CASZ1: variants seen among roughly 807,000 people sequenced by gnomAD.
CASZ1 encodes castor zinc finger 1.
Under a neutral mutation model 135.2 loss-of-function variants are expected in CASZ1, and 28 were observed. The ratio of observed to expected loss-of-function variants is 0.21; its 90% CI spans 0.15 to 0.28. The LOEUF (loss-of-function observed/expected upper bound fraction) is 0.28, where lower values mean the gene tolerates loss of function less well. CASZ1 is among the 10% of genes least tolerant of loss of function. CASZ1 has a pLI of 1.00. For missense variants in CASZ1, 2,161 were observed against 2,453.3 expected, an observed-to-expected ratio of 0.88 and a Z score of 2.52; for synonymous variants, 1,068 against 1,073.4, an observed-to-expected ratio of 0.99 and a Z score of 0.10.
intron 4 of CASZ1, among the ~76,000 whole-genome samples, chr1:10,671,707 G>A (rs1176815278): frequency 6.6e-6 from 1 of 152,234 alleles, no homozygotes; most frequent in African/African-American, 2.4e-5. Flanking sequence ...GAGGCTGTAA[G>A]CTGTGGGCCA....
chr1:10,781,666 G>C (rs1640764831), intron 1 of CASZ1, among the ~76,000 whole-genome samples: 1 of 152,214 alleles, frequency 6.6e-6, no homozygotes, highest in Non-Finnish European at 1.5e-5. Context: ...AACACAGGGA[G>C]CCCTCTGCCT....
At chr1:10,723,975 C>T (rs556874767) in intron 2 of CASZ1, among the ~76,000 whole-genome samples, 1 of 152,184 alleles carries the variant, frequency 6.6e-6, no homozygotes, top group African/African-American at 2.4e-5. Flanking sequence ...AGGGGTTCAA[C>T]CCTAAACTCA....
rs139059853 is a variant in CASZ1, at chr1:10,654,433, C to T, written c.1824G>A (p.Thr608=). Residue 608 remains threonine (T), a synonymous_variant, in exon 10 of 21, where the codon ACG becomes ACA. Transcript: ENST00000377022. The part of the protein sequence containing the change: ...ADCQFYGQKT[T]HFHCRRPGCT... The stretch of plus-strand genomic sequence containing the variant: ...CTCCCGCTTACCTGCAGTGGAAGTG[C>T]GTGGTCTTCTGTCCGTAGAACTGGC... 24 of 1,613,824 alleles carry T rather than the reference C, an allele frequency of 1.5e-5. No individual in the cohort carries two copies. The African/African-American group carries it at 2.1e-4, about 14-fold the overall frequency.
chr1:10,680,262 G>T (rs1638368704), intron 4 of CASZ1, among the ~76,000 whole-genome samples: 1 of 130,752 alleles, frequency 7.6e-6, no homozygotes, highest in Admixed American at 7.7e-5. Context: ...CGGCTGGATG[G>T]CACGGGGCGG....
At chr1:10,685,826 G>A (rs979234171) in intron 4 of CASZ1, among the ~76,000 whole-genome samples, 6 of 152,260 alleles carry the variant, frequency 3.9e-5, no homozygotes, top group Non-Finnish European at 8.8e-5. Context: ...AGAGGGGCTG[G>A]GGATACCCAG....
intron 4 of CASZ1, among the ~76,000 whole-genome samples, chr1:10,686,264 T>A (rs187988184): frequency 6.6e-6 from 1 of 152,300 alleles, no homozygotes; most frequent in East Asian, 1.9e-4. Context: ...TTAGCAGCAC[T>A]CACCACAAAT....
Position 10,724,462 on chromosome 1 carries a change from C to A in CASZ1, c.-76-18918G>T, listed in dbSNP as rs1363773498. On this transcript the variant is annotated intron_variant, in intron 2 of 20. Coordinates refer to ENST00000377022, the MANE Select transcript of CASZ1 (RefSeq NM_001079843.3). This position sits in a 1 kb window ranked among gnomAD's most constrained non-coding sequence, Gnocchi z 4.1. ...ATTAAACCCGGGGGCCAGGTGGTAC[C>A]TACCAGCTGTCAGCCACCCCAGGCA... Among the ~76,000 whole-genome samples the A allele has an allele frequency of 1.3e-5, 2 of 152,244 alleles. No homozygotes were observed. The highest frequency in any genetic ancestry group is 2.9e-5 in the Non-Finnish European group (2 of 68,050).
intron 4 of CASZ1, among the ~76,000 whole-genome samples, chr1:10,685,800 A>C (rs1186616914): frequency 2.0e-5 from 3 of 151,970 alleles, no homozygotes; most frequent in Middle Eastern, 3.2e-3. Context: ...TTCTTCAAAA[A>C]CCTCGAGGGC....
intron 11 of CASZ1, 115 bp downstream of exon 11, chr1:10,653,262 G>A (rs1414185847): frequency 9.2e-7 from 1 of 1,086,436 alleles, no homozygotes; most frequent in South Asian, 1.3e-5. Context: ...TGGCAAGCAG[G>A]GGCCACACGG....
intron 4 of CASZ1, among the ~76,000 whole-genome samples, chr1:10,689,576 G>C (rs983355584): frequency 2.6e-5 from 4 of 152,164 alleles, no homozygotes; most frequent in African/African-American, 9.7e-5. Context: ...TTTCGGACCT[G>C]CCCTTCTGCC....
chr1:10,719,975 G>A lies in CASZ1; in HGVS notation c.-76-14431C>T, dbSNP rs1363655346. 6.6e-6 allele frequency among the ~76,000 whole-genome samples: 1 copy of A among 152,210 alleles called. No individual in the cohort carries two copies. On this transcript the variant is annotated intron_variant, in intron 2 of 20. Coordinates refer to ENST00000377022, the MANE Select transcript of CASZ1 (RefSeq NM_001079843.3). This position sits in a 1 kb window ranked among gnomAD's most constrained non-coding sequence, Gnocchi z 4.0. ...AGGTCCTCCGACAGCACCAGGGTGC[G>A]GTGTGTTTGCGCACAAAAAGAATAG...
intron 4 of CASZ1, among the ~76,000 whole-genome samples, chr1:10,671,797 C>T (rs540179284): frequency 1.3e-5 from 2 of 152,348 alleles, no homozygotes; most frequent in African/African-American, 4.8e-5. Context: ...GCACTGGGCT[C>T]AGGAAAGGCA....
intron 2 of CASZ1, among the ~76,000 whole-genome samples, chr1:10,708,421 T>C (rs1639219280): frequency 6.6e-6 from 1 of 152,130 alleles, no homozygotes; most frequent in South Asian, 2.1e-4. Flanking sequence ...AGCAATGTCT[T>C]GGGTAAGAAG....
In CASZ1 at chr1:10,789,518, G is replaced by A. The variant is rs182079351; in HGVS notation, c.-234+7046C>T. On this transcript the variant is annotated intron_variant, in intron 1 of 20. Transcript: ENST00000377022. ...ATAATGAGTTCCGAAGGAGCGACAC[G>A]TCCCTGTCTCTCTCTCTCTCTCTCT... Among the ~76,000 whole-genome samples the A allele has an allele frequency of 3.8e-3, 569 of 151,676 alleles. 1 individual carries two copies. The highest frequency in any genetic ancestry group is 0.011 in the African/African-American group (465 of 41,278).
chr1:10,753,330 G>A (rs1332726084), intron 2 of CASZ1, among the ~76,000 whole-genome samples: 1 of 152,128 alleles, frequency 6.6e-6, no homozygotes, highest in African/African-American at 2.4e-5. Context: ...TTTTCAAGAG[G>A]CTCTTCTCAT....
intron 2 of CASZ1, among the ~76,000 whole-genome samples, chr1:10,740,124 A>G (rs1639885129): frequency 1.3e-5 from 2 of 152,080 alleles, no homozygotes; most frequent in Admixed American, 1.3e-4. Context: ...CCTCTCTGCA[A>G]CCCCATAGGA....
At chr1:10,771,564 A>T (rs538563536) in intron 1 of CASZ1, among the ~76,000 whole-genome samples, 1 of 152,154 alleles carries the variant, frequency 6.6e-6, no homozygotes, top group Non-Finnish European at 1.5e-5. Flanking sequence ...TTTGTATTTT[A>T]ATTAGCGACT....
rs982733104 is a variant in CASZ1 at position 10,739,284 on chromosome 1, C to T, written c.-77+21417G>A. On this transcript the variant is annotated intron_variant, in intron 2 of 20. Transcript: ENST00000377022. The surrounding 1 kb of genome is among the most constrained non-coding windows in gnomAD (Gnocchi z 4.8). Reference sequence around the variant, plus strand: ...TGCGCCTGGGGGTCACCCCTGCTGTCTCTCTGGGTAGGGGTGCAGGTGAAG... The same window carrying T: ...TGCGCCTGGGGGTCACCCCTGCTGTTTCTCTGGGTAGGGGTGCAGGTGAAG... Among the ~76,000 whole-genome samples the T allele has an allele frequency of 1.3e-5, 2 of 152,096 alleles. No individual in the cohort carries two copies. Among genetic ancestry groups the T allele is most frequent in the African/African-American group, 4.8e-5 (2 of 41,414 alleles).
At chr1:10,674,685 G>T (rs12048729) in intron 4 of CASZ1, among the ~76,000 whole-genome samples, 1 of 152,322 alleles carries the variant, frequency 6.6e-6, no homozygotes, top group East Asian at 1.9e-4. Context: ...TCCCCTCCTC[G>T]GAGCCGGGAG....
Sources: gnomAD v4.1 joint callset for allele counts (sites outside exome capture counted in the v4.1 genomes callset) on GRCh38, gnomAD v4.1.1 for gene constraint, Gnocchi (gnomAD v3.1) non-coding constraint, MANE v1.5 for transcripts, NCBI Gene and HGNC (gene_info 2026-07-23, HGNC 2026-07-21) for gene names.